ASIC4: variants seen among roughly 807,000 people sequenced by gnomAD.
ASIC4 encodes acid-sensing ion channel 4.
Under a neutral mutation model 53.4 loss-of-function variants are expected in ASIC4, and 28 were observed. The ratio of observed to expected loss-of-function variants is 0.52; its 90% CI spans 0.39 to 0.72. The LOEUF (loss-of-function observed/expected upper bound fraction) is 0.72. ASIC4 is among the 30% of genes least tolerant of loss of function. The pLI is 0.00. For synonymous variants in ASIC4, 289 were observed against 301.4 expected (o/e 0.96, Z 0.43); for missense variants, 649 against 729.7 (o/e 0.89, Z 1.27).
intron 1 of ASIC4, among the ~76,000 whole-genome samples, chr2:219,530,990 G>A (rs1273539613): frequency 6.6e-6 from 1 of 152,170 alleles, no homozygotes; most frequent in African/African-American, 2.4e-5. Flanking sequence ...GCAGTTAGGA[G>A]GAGATGGCAA....
At position 219,536,172 on chromosome 2, in the gene ASIC4, A is replaced by C. The variant is rs1695133967; in HGVS notation, c.1229+848A>C. 6.6e-6 allele frequency among the ~76,000 whole-genome samples: 1 copy of C among 152,208 alleles called. No homozygotes were observed. The highest frequency in any genetic ancestry group is 6.5e-5 in the Admixed American group (1 of 15,280). On this transcript the variant is annotated intron_variant, in intron 6 of 9. Coordinates refer to ENST00000358078, the MANE Select transcript of ASIC4 (RefSeq NM_018674.6). The surrounding 1 kb of genome is among the most constrained non-coding windows in gnomAD (Gnocchi z 4.6). ...TCCAGGTCCAAACACCTTTCATCTG[A>C]GTTCCCAGCACCCGTACAGATCTCT...
chr2:219,537,705 C>T lies in ASIC4; in HGVS notation c.1475C>T (p.Ser492Phe). ...TPLRTSTGGI[S>F]TLGLQELKEQ... is the part of the protein sequence containing the mutation. ...CTGCGGACCTCCACTGGGGGCATCTCCACTTTGGGGCTTCAGGAGCTGAAG... is the reference window on the plus strand; with the variant it reads ...CTGCGGACCTCCACTGGGGGCATCTTCACTTTGGGGCTTCAGGAGCTGAAG... Residue 492 changes from serine to phenylalanine, a missense_variant, in exon 9 of 10, where the codon TCC becomes TTC. Coordinates refer to ENST00000358078, the MANE Select transcript of ASIC4 (RefSeq NM_018674.6). This position sits in a 1 kb window ranked among gnomAD's most constrained non-coding sequence, Gnocchi z 4.9. 1 of 1,614,038 alleles carries T rather than the reference C, an allele frequency of 6.2e-7. No individual in the cohort carries two copies. The highest frequency in any genetic ancestry group is 8.5e-7 in the Non-Finnish European group (1 of 1,179,940).
chr2:219,531,802 G>T lies in ASIC4; in HGVS notation c.627G>T (p.Pro209=), dbSNP rs571235595. The T allele has an allele frequency of 1.4e-4, 221 of 1,613,172 alleles. 4 individuals carry two copies. The South Asian group carries it at 2.3e-3, about 17-fold the overall frequency. The change falls in exon 2 of 10, where the codon CCG becomes CCT. Residue 209 remains proline, a synonymous_variant. Transcript: ENST00000358078. Reference sequence around the variant, plus strand: ...AGTGTTACACCTTCAACGCGGACCCGCGGAGCTCGCTGCCCAGCCGGGCAG... The same window carrying T: ...AGTGTTACACCTTCAACGCGGACCCTCGGAGCTCGCTGCCCAGCCGGGCAG... ...YGKCYTFNAD[P]RSSLPSRAGG...
chr2:219,519,749 G>T (rs1173851571), intron 1 of ASIC4, among the ~76,000 whole-genome samples: 1 of 152,236 alleles, frequency 6.6e-6, no homozygotes, highest in African/African-American at 2.4e-5. Flanking sequence ...CTAGGAATGA[G>T]ATTGTCTGGG....
intron 5 of ASIC4, among the ~76,000 whole-genome samples, chr2:219,534,476 T>G (rs1257868441): frequency 6.6e-6 from 1 of 152,234 alleles, no homozygotes; most frequent in Non-Finnish European, 1.5e-5. Context: ...CTCTGCCACC[T>G]ACGGCCTGGC....
chr2:219,507,205 C>A, the ASIC4 span, among the ~76,000 whole-genome samples: 1 of 152,232 alleles, frequency 6.6e-6, no homozygotes, highest in Non-Finnish European at 1.5e-5. Flanking sequence ...CTGGTCCCCC[C>A]CTTCACCCCT....
In ASIC4 at chr2:219,515,022, G is replaced by A; in HGVS notation, c.298G>A (p.Ala100Thr). ...CTACCTGACCCGGCCTCACCTGGTG[G>A]CAATGGACCCCGCTGCCCCAGCCCC... ...RGYLTRPHLV[A>T]MDPAAPAPVA... The change falls in exon 1 of 10, where the codon GCA (alanine) becomes ACA (threonine). Residue 100 changes from alanine (A) to threonine (T), a missense_variant. Ala to Thr is a moderately conservative substitution (Grantham distance 58). Transcript: ENST00000358078. 10 of 1,613,500 alleles carry A rather than the reference G, an allele frequency of 6.2e-6. No individual in the cohort carries two copies. Among genetic ancestry groups the A allele is most frequent in the Non-Finnish European group, 7.6e-6 (9 of 1,179,934 alleles).
intron 1 of ASIC4, among the ~76,000 whole-genome samples, chr2:219,528,936 G>A (rs1024051836): frequency 2.0e-5 from 3 of 152,152 alleles, no homozygotes; most frequent in African/African-American, 7.2e-5. Flanking sequence ...TGTCTTGCTG[G>A]GTTCTCCTCC....
upstream of ASIC4, among the ~76,000 whole-genome samples, chr2:219,509,372 C>T (rs1694669402): frequency 4.6e-5 from 7 of 152,254 alleles, no homozygotes; most frequent in South Asian, 1.4e-3. The surrounding 1 kb of genome is among the most constrained non-coding windows in gnomAD (Gnocchi z 5.2). Flanking sequence ...GCCCAGACCC[C>T]TGAGACAGAC....
chr2:219,529,454 G>A (rs1237096126), intron 1 of ASIC4, among the ~76,000 whole-genome samples: 1 of 152,184 alleles, frequency 6.6e-6, no homozygotes, highest in Non-Finnish European at 1.5e-5. Flanking sequence ...AAGGTACAGA[G>A]GAACGATGCA....
rs1013780303 is a variant in ASIC4, at chr2:219,516,526, C to G, written c.582+1220C>G. Among the ~76,000 whole-genome samples the G allele has an allele frequency of 2.6e-5, 4 of 152,018 alleles. No individual in the cohort carries two copies. The highest frequency in any genetic ancestry group is 9.7e-5 in the African/African-American group (4 of 41,342). ...TATTCATGGCGCTCGAGATGCTTGT[C>G]CCTAGTCCACAGTTTGCTCCCAGCA... On this transcript the variant is annotated intron_variant, in intron 1 of 9. Transcript: ENST00000358078. This position sits in a 1 kb window ranked among gnomAD's most constrained non-coding sequence, Gnocchi z 4.9.
At position 219,516,275 on chromosome 2, in the gene ASIC4, C is replaced by G. The variant is rs1694787054; in HGVS notation, c.582+969C>G. Among the ~76,000 whole-genome samples, 1 of 152,100 alleles carries G rather than the reference C, an allele frequency of 6.6e-6. No individual in the cohort carries two copies. On this transcript the variant is annotated intron_variant, in intron 1 of 9. Transcript: ENST00000358078. The surrounding 1 kb of genome is among the most constrained non-coding windows in gnomAD (Gnocchi z 4.9). ...TGGATGCCATCCCTTCTCATGACAC[C>G]CCCACCCCCATCTATCCCAACCGCT... is the stretch of plus-strand genomic sequence containing the variant.
At chr2:219,531,652 G>C in intron 1 of ASIC4, 106 bp from the exon 2 acceptor site, 1 of 1,296,584 alleles carries the variant, frequency 7.7e-7, no homozygotes, top group Non-Finnish European at 1.1e-6. Context: ...TACGGGACTG[G>C]AGTGTCCAAG....
In ASIC4 at chr2:219,532,449, C is replaced by T. The variant is rs1293151362; in HGVS notation, c.990C>T (p.Arg330=). The T allele has an allele frequency of 1.9e-6, 3 of 1,613,564 alleles. No individual in the cohort carries two copies. The South Asian group carries it at 3.3e-5, about 18-fold the overall frequency. Residue 330 remains arginine (R), a synonymous_variant, in exon 4 of 10, where the codon CGC becomes CGT. Coordinates refer to ENST00000358078, the MANE Select transcript of ASIC4 (RefSeq NM_018674.6). The part of the protein sequence containing the change: ...LRCEKEAVLQ[R]CHCRMVHMPG... ...GTGAAAAGGAGGCCGTGCTTCAGCG[C>T]TGCCACTGCCGGATGGTGCACATGC... is the stretch of plus-strand genomic sequence containing the variant.
upstream of ASIC4, chr2:219,514,322 C>T (rs767998239): frequency 7.2e-6 from 11 of 1,522,518 alleles, no homozygotes; most frequent in African/African-American, 4.1e-5. Flanking sequence ...AATTATTAAG[C>T]GTGGGGAGGG....
Position 219,528,193 on chromosome 2 carries a change from G to A in ASIC4, c.583-3565G>A, listed in dbSNP as rs1365175567. 2.6e-5 allele frequency among the ~76,000 whole-genome samples: 4 copies of A among 152,184 alleles called. No individual in the cohort carries two copies. The East Asian group carries it at 7.7e-4, about 29-fold the overall frequency. ...AAATACTAATATATGCCTCCCATCA[G>A]CATTTCCCACACCACCAGGACCCAG... is the stretch of plus-strand genomic sequence containing the variant. On this transcript the variant is annotated intron_variant, in intron 1 of 9. Transcript: ENST00000358078.
chr2:219,515,366 G>C (rs1400402516), intron 1 of ASIC4, 60 bp downstream of exon 1: 2 of 1,559,266 alleles, frequency 1.3e-6, no homozygotes, highest in Non-Finnish European at 1.7e-6. Context: ...GAGTGGGGAG[G>C]AGTGGTGGCA....
chr2:219,511,896 G>C (rs567566162), upstream of ASIC4, among the ~76,000 whole-genome samples: 1 of 152,084 alleles, frequency 6.6e-6, no homozygotes, highest in Admixed American at 6.6e-5. This position sits in a 1 kb window ranked among gnomAD's most constrained non-coding sequence, Gnocchi z 5.3. Flanking sequence ...GCAGGGAAGC[G>C]GGGAGAGGGA....
rs755637023 is a variant in ASIC4, at chr2:219,515,211, G to A, written c.487G>A (p.Val163Ile). The change falls in exon 1 of 10, where the codon GTA becomes ATA. Residue 163 changes from valine (V) to isoleucine (I), a missense_variant. Physicochemically the swap from Val to Ile is conservative, Grantham distance 29. Transcript: ENST00000358078. ...AGLRYPEPDM[V>I]DILNRTGHQL... The stretch of plus-strand genomic sequence containing the variant: ...CCTGCGCTACCCAGAGCCTGACATG[G>A]TAGACATCCTCAACCGCACTGGCCA... 6 of 1,614,224 alleles carry A rather than the reference G, an allele frequency of 3.7e-6. No individual in the cohort carries two copies. In the East Asian group the frequency reaches 1.3e-4, roughly 36 times the overall value.
Sources: allele counts gnomAD v4.1 joint callset (sites outside exome capture counted in the v4.1 genomes callset), GRCh38; gene constraint gnomAD v4.1.1; non-coding constraint Gnocchi (gnomAD v3.1); transcripts MANE v1.5; gene names NCBI Gene and HGNC (gene_info 2026-07-23, HGNC 2026-07-21).